Variants in FOXP1 observed in about 807,000 individuals in gnomAD.
FOXP1 encodes forkhead box protein P1.
Under a neutral mutation model 98.2 loss-of-function variants are expected in FOXP1, and 15 were observed. The observed-to-expected ratio is 0.15, with a 90% CI of 0.10 to 0.24. The LOEUF (loss-of-function observed/expected upper bound fraction) is 0.24, where lower values mean the gene tolerates loss of function less well. Ranked by LOEUF, FOXP1 falls within the 10% of genes least tolerant of loss-of-function variation. FOXP1 has a pLI of 1.00. For synonymous variants in FOXP1, 371 were observed against 314.5 expected (o/e 1.18, Z -1.90); for missense variants, 633 against 848.5 (o/e 0.75, Z 3.15).
chr3:71,510,828 G>A (rs1489528096), intron 2 of FOXP1, among the ~76,000 whole-genome samples: 1 of 152,130 alleles, frequency 6.6e-6, no homozygotes, highest in Non-Finnish European at 1.5e-5. Context: ...AAAGCTGAAG[G>A]TCATTTTTAA....
rs137982464 is a variant in FOXP1 at position 71,247,897 on chromosome 3, T to C, written c.-11-49505A>G. ...ATGATACTCAACTACTAGCATTCCATAGGAACTATTGGGAGACAGAAAGGC... is the reference window on the plus strand; with the variant it reads ...ATGATACTCAACTACTAGCATTCCACAGGAACTATTGGGAGACAGAAAGGC... On this transcript the variant is annotated intron_variant, in intron 5 of 20. Transcript: ENST00000649528. Among the ~76,000 whole-genome samples, 332 of 152,300 alleles carry C rather than the reference T, an allele frequency of 2.2e-3. 3 individuals carry two copies. Among genetic ancestry groups the C allele is most frequent in the African/African-American group, 7.7e-3 (321 of 41,560 alleles).
rs138330708 is a variant in FOXP1, at chr3:71,537,973, T to C, written c.-298+43576A>G. 1.8e-4 allele frequency among the ~76,000 whole-genome samples: 28 copies of C among 152,322 alleles called. No homozygotes were observed. The East Asian group carries it at 5.4e-3, about 29-fold the overall frequency. On this transcript the variant is annotated intron_variant, in intron 2 of 20. Transcript: ENST00000649528. ...CAACCACACCCAGTCACTTACAGAT[T>C]GTCTATGGCTGCTTTTGCACTACAA...
chr3:71,313,071 T>C (rs2074811584), intron 4 of FOXP1, among the ~76,000 whole-genome samples: 2 of 148,770 alleles, frequency 1.3e-5, no homozygotes, highest in Admixed American at 1.3e-4. Flanking sequence ...TTTTTTTTTT[T>C]TTTTTTGAGA....
chr3:71,380,721 C>CTTTTTTA (rs1185261211), intron 3 of FOXP1, among the ~76,000 whole-genome samples: 1 of 26,050 alleles, frequency 3.8e-5, no homozygotes, highest in African/African-American at 1.3e-4. Flanking sequence ...TTTTTTTTTG[C>CTTTTTTA]AAAACAATCT....
chr3:71,177,373 C>T (rs2062004471), intron 6 of FOXP1, among the ~76,000 whole-genome samples: 2 of 152,178 alleles, frequency 1.3e-5, no homozygotes, highest in Admixed American at 1.3e-4. Context: ...TTAGTATTTG[C>T]TTTCTGAACT....
chr3:71,413,488 T>G (rs2082960996), intron 3 of FOXP1, among the ~76,000 whole-genome samples: 1 of 152,178 alleles, frequency 6.6e-6, no homozygotes, highest in Non-Finnish European at 1.5e-5. Context: ...TCTGTCTTTT[T>G]GTCCGTCACT....
chr3:71,423,551 T>C lies in FOXP1; in HGVS notation c.-167-64307A>G, dbSNP rs577652649. 7.7e-4 allele frequency among the ~76,000 whole-genome samples: 117 copies of C among 152,350 alleles called. 1 individual carries two copies. The highest frequency in any genetic ancestry group is 2.7e-3 in the African/African-American group (111 of 41,580). The stretch of plus-strand genomic sequence containing the variant: ...TCTCCTCACACAAAGAGCATCCCCC[T>C]GCTGGCTGGCATGCTCAGACATGGT... On this transcript the variant is annotated intron_variant, in intron 3 of 20. Transcript: ENST00000649528.
chr3:71,098,439 C>A (rs17008204), intron 7 of FOXP1, among the ~76,000 whole-genome samples: 1 of 151,996 alleles, frequency 6.6e-6, no homozygotes, highest in Non-Finnish European at 1.5e-5. Context: ...GATTTTCACT[C>A]CATACCTGGC....
chr3:71,579,632 CTTTTTTTTT>C (rs35646548), intron 2 of FOXP1, among the ~76,000 whole-genome samples: 2 of 123,000 alleles, frequency 1.6e-5, no homozygotes, highest in Non-Finnish European at 3.3e-5. Context: ...TTTCTTTTTT[CTTTTTTTTT>C]TTTTTTTTGA....
Position 71,197,903 on chromosome 3 carries a change from T to C in FOXP1, c.180+299A>G, listed in dbSNP as rs1011094674. ...ACCATTTCTCCAAAGAATAATTTTA[T>C]TCAAAATGGGGAAGGGTTAGGCTGA... On this transcript the variant is annotated intron_variant, in intron 6 of 20. Coordinates refer to ENST00000649528, the MANE Select transcript of FOXP1 (RefSeq NM_001349338.3). 3.1e-6 allele frequency: 5 copies of C among 1,614,104 alleles called. No homozygotes were observed. In the African/African-American group the frequency reaches 6.7e-5, roughly 22 times the overall value.
At chr3:71,138,562 A>T (rs2059926411) in intron 6 of FOXP1, among the ~76,000 whole-genome samples, 1 of 152,244 alleles carries the variant, frequency 6.6e-6, no homozygotes. Context: ...ATTAAGAAAG[A>T]TAACCCCAGT....
chr3:71,534,697 C>T (rs927386279), intron 2 of FOXP1, among the ~76,000 whole-genome samples: 4 of 152,160 alleles, frequency 2.6e-5, no homozygotes, highest in African/African-American at 4.8e-5. Flanking sequence ...GAGAAATCTG[C>T]ATTTCAACAG....
At chr3:70,973,850 C>A (rs1472923344) in intron 17 of FOXP1, among the ~76,000 whole-genome samples, 1 of 114,890 alleles carries the variant, frequency 8.7e-6, no homozygotes, top group African/African-American at 3.3e-5. Context: ...CCCCCCCCCA[C>A]CCCCCAACAC....
At chr3:71,428,625 G>T (rs1403884179) in intron 3 of FOXP1, among the ~76,000 whole-genome samples, 1 of 152,168 alleles carries the variant, frequency 6.6e-6, no homozygotes, top group Non-Finnish European at 1.5e-5. Flanking sequence ...GTTCTAAAGA[G>T]GCCCCCCTAT....
chr3:71,575,231 A>T (rs1381328934), intron 2 of FOXP1, among the ~76,000 whole-genome samples: 1 of 152,218 alleles, frequency 6.6e-6, no homozygotes. Context: ...ATTAAAAACA[A>T]CACAGGATGG....
intron 6 of FOXP1, among the ~76,000 whole-genome samples, chr3:71,141,591 C>T (rs536766365): frequency 1.3e-5 from 2 of 152,212 alleles, no homozygotes; most frequent in African/African-American, 4.8e-5. Flanking sequence ...ATTTACACAC[C>T]AATTAAACAC....
At chr3:71,347,039 A>T (rs1163366932) in intron 4 of FOXP1, among the ~76,000 whole-genome samples, 1 of 152,170 alleles carries the variant, frequency 6.6e-6, no homozygotes, top group Non-Finnish European at 1.5e-5. Context: ...CATCTCAAAA[A>T]AATTAATGTT....
intron 5 of FOXP1, among the ~76,000 whole-genome samples, chr3:71,202,854 T>C (rs1304217025): frequency 1.3e-5 from 2 of 152,214 alleles, no homozygotes; most frequent in African/African-American, 4.8e-5. Context: ...GACTTTTCAC[T>C]ATTAGAGTCA....
intron 4 of FOXP1, among the ~76,000 whole-genome samples, chr3:71,351,846 C>T (rs1234882776): frequency 6.6e-6 from 1 of 152,100 alleles, no homozygotes; most frequent in Non-Finnish European, 1.5e-5. Flanking sequence ...AGAAAAATGT[C>T]CCAGAGAAAA....
Sources: gnomAD v4.1 joint callset for allele counts (sites outside exome capture counted in the v4.1 genomes callset) on GRCh38, gnomAD v4.1.1 for gene constraint, MANE v1.5 for transcripts, NCBI Gene and HGNC (gene_info 2026-07-23, HGNC 2026-07-21) for gene names.